Variants in BPIFC observed in about 807,000 individuals in gnomAD.
BPIFC encodes the protein BPI fold-containing family C protein.
A neutral mutation model predicts 57.6 loss-of-function variants in BPIFC; 60 were observed. That is an observed-to-expected ratio of 1.04 (90% CI 0.85 to 1.29). The LOEUF is 1.29. BPIFC is among the 50% of genes most tolerant of loss of function. BPIFC has a pLI of 0.00. For missense variants in BPIFC, 581 were observed against 600.5 expected (o/e 0.97, Z 0.34); for synonymous variants, 243 against 224.5 (o/e 1.08, Z -0.74).
rs531325756 is a variant in BPIFC at position 32,431,118 on chromosome 22, CT to C, written c.1217+228del. On this transcript the variant is annotated intron_variant, in intron 13 of 16. Coordinates refer to ENST00000300399, the MANE Select transcript of BPIFC (RefSeq NM_174932.3). The stretch of plus-strand genomic sequence containing the variant: ...CATGTTCACACAATGGTTAACGTCC[CT>C]TTTTTTTTTTTTTTGAGACAGAGTC... Among the ~76,000 whole-genome samples the C allele has an allele frequency of 8.4e-3, 1,158 of 138,664 alleles. 10 individuals carry two copies. The highest frequency in any genetic ancestry group is 0.038 in the East Asian group (185 of 4,870). The allele number at this position is 138,664 out of a possible 152,430, so 91.0% of individuals were successfully genotyped here.
chr22:32,426,069 C>T (rs1437423412), intron 13 of BPIFC, among the ~76,000 whole-genome samples: 2 of 152,204 alleles, frequency 1.3e-5, no homozygotes, highest in African/African-American at 4.8e-5. Context: ...AGACCACCAA[C>T]ACGGGGTTTG....
At chr22:32,426,797 C>T (rs1934079871) in intron 13 of BPIFC, among the ~76,000 whole-genome samples, 1 of 151,378 alleles carries the variant, frequency 6.6e-6, no homozygotes, top group South Asian at 2.1e-4. Flanking sequence ...GAGGCTGAGG[C>T]AGGAGGATCA....
intron 1 of BPIFC, among the ~76,000 whole-genome samples, chr22:32,462,155 C>T (rs1339197031): frequency 1.9e-5 from 2 of 105,818 alleles, no homozygotes; most frequent in Middle Eastern, 0.011. Context: ...GGCGACAGAG[C>T]GAGACTCCAT....
Position 32,453,375 on chromosome 22 carries a change from T to C in BPIFC, c.245+8A>G, listed in dbSNP as rs776063539. Reference sequence around the variant, plus strand: ...TATAAGAGGCAAAATGCTCTTCTTTTTACTTACTTTGAAAAATTGTAGTTT... The same window carrying C: ...TATAAGAGGCAAAATGCTCTTCTTTCTACTTACTTTGAAAAATTGTAGTTT... On this transcript the variant is annotated splice_region_variant and intron_variant, in intron 4 of 16. Transcript: ENST00000300399. 36 of 1,573,166 alleles carry C rather than the reference T, an allele frequency of 2.3e-5. 2 individuals carry two copies. In the South Asian group the frequency reaches 4.0e-4, roughly 17 times the overall value.
At chr22:32,436,788 G>A (rs898270363) in intron 9 of BPIFC, among the ~76,000 whole-genome samples, 2 of 152,174 alleles carry the variant, frequency 1.3e-5, no homozygotes, top group African/African-American at 4.8e-5. Flanking sequence ...ATAGAAAGAA[G>A]ACCCAAGACT....
intron 7 of BPIFC, among the ~76,000 whole-genome samples, chr22:32,443,267 C>A (rs565609032): frequency 6.6e-6 from 1 of 151,852 alleles, no homozygotes; most frequent in Non-Finnish European, 1.5e-5. Context: ...TGGTTCATGC[C>A]ATTCTCCTGC....
chr22:32,417,163 G>A lies in BPIFC; in HGVS notation c.1261-15C>T. On this transcript the variant is annotated splice_polypyrimidine_tract_variant and intron_variant, in intron 14 of 16. Transcript: ENST00000300399. ...AACCTCAAGACCTAAAATAAAAGAG[G>A]AAATAGAATCAATTGGCAGATCGGG... 3 of 1,540,462 alleles carry A rather than the reference G, an allele frequency of 1.9e-6. No homozygotes were observed. The highest frequency in any genetic ancestry group is 1.4e-5 in the African/African-American group (1 of 72,892).
chr22:32,442,609 G>T, intron 8 of BPIFC, 62 bp downstream of exon 8: 1 of 1,526,822 alleles, frequency 6.5e-7, no homozygotes, highest in Non-Finnish European at 9.1e-7. Context: ...AGCAAACCCA[G>T]GCAGTACCAG....
At chr22:32,441,764 T>C (rs536535857) in intron 8 of BPIFC, among the ~76,000 whole-genome samples, 1 of 152,190 alleles carries the variant, frequency 6.6e-6, no homozygotes, top group Non-Finnish European at 1.5e-5. Context: ...TATGTATCTG[T>C]TAAAGCAGCG....
At chr22:32,458,129 A>G (rs1935083935) in intron 2 of BPIFC, among the ~76,000 whole-genome samples, 1 of 152,130 alleles carries the variant, frequency 6.6e-6, no homozygotes, top group Non-Finnish European at 1.5e-5. Flanking sequence ...AAGTCATTTT[A>G]TCAGCTACAA....
intron 14 of BPIFC, among the ~76,000 whole-genome samples, chr22:32,417,891 A>G (rs938400572): frequency 4.5e-4 from 68 of 150,814 alleles, no homozygotes; most frequent in African/African-American, 1.7e-3. Flanking sequence ...TTTTTTTGAG[A>G]TGGAGGCTCA....
rs149423295 is a variant in BPIFC at position 32,421,621 on chromosome 22, A to G, written c.1218-2217T>C. ...AATTCTTGTATTCCTAGGATTGAGT[A>G]CAGAGGTACTTAATGTTCACTTATT... On this transcript the variant is annotated intron_variant, in intron 13 of 16. Coordinates refer to ENST00000300399, the MANE Select transcript of BPIFC (RefSeq NM_174932.3). Among the ~76,000 whole-genome samples, 713 of 152,314 alleles carry G rather than the reference A, an allele frequency of 4.7e-3. 2 individuals are homozygous for G. Among genetic ancestry groups the G allele is most frequent in the Non-Finnish European group, 7.7e-3 (523 of 68,030 alleles).
At chr22:32,445,736 G>GTTTAAAA in intron 6 of BPIFC, 38 bp from the exon 7 acceptor site, 1 of 612,370 alleles carries the variant, frequency 1.6e-6, no homozygotes, top group Non-Finnish European at 2.2e-6. Context: ...AAAAAAAAAA[G>GTTTAAAA]AGGTTACTCA....
At chr22:32,428,936 CA>C (rs1272411368) in intron 13 of BPIFC, among the ~76,000 whole-genome samples, 2 of 151,836 alleles carry the variant, frequency 1.3e-5, no homozygotes, top group Non-Finnish European at 2.9e-5. Context: ...GTTGGAAAAA[CA>C]ATATACTTAC....
intron 13 of BPIFC, among the ~76,000 whole-genome samples, chr22:32,427,449 C>G (rs1469695498): frequency 5.3e-5 from 8 of 152,164 alleles, no homozygotes; most frequent in Admixed American, 5.2e-4. Flanking sequence ...TCTACCTTCT[C>G]TAGGAACCTT....
chr22:32,429,735 T>G (rs2145926116), intron 13 of BPIFC, among the ~76,000 whole-genome samples: 1 of 152,068 alleles, frequency 6.6e-6, no homozygotes, highest in African/African-American at 2.4e-5. Flanking sequence ...CAGGCTGGTC[T>G]CGAACTCCTG....
At chr22:32,434,082 T>TTA (rs10628834) in intron 10 of BPIFC, among the ~76,000 whole-genome samples, 99,982 of 147,104 alleles carry the variant, frequency 0.68, 34,455 homozygotes, top group South Asian at 0.77. Flanking sequence ...AAAGTTTTAG[T>TTA]TATATATATA....
chr22:32,444,358 A>G lies in BPIFC; in HGVS notation c.594+1277T>C, dbSNP rs141008117. Among the ~76,000 whole-genome samples, 48 of 152,252 alleles carry G rather than the reference A, an allele frequency of 3.2e-4. No homozygotes were observed. In the East Asian group the frequency reaches 8.7e-3, roughly 28 times the overall value. On this transcript the variant is annotated intron_variant, in intron 7 of 16. Transcript: ENST00000300399. ...GCCACCTCCTGGGATGAGCTGCTTGATGCTTCTGAGTGTTGATTTCCTTAC... is the reference window on the plus strand; with the variant it reads ...GCCACCTCCTGGGATGAGCTGCTTGGTGCTTCTGAGTGTTGATTTCCTTAC...
At chr22:32,419,072 GC>G (rs768892131) in intron 14 of BPIFC, among the ~76,000 whole-genome samples, 1 of 152,020 alleles carries the variant, frequency 6.6e-6, no homozygotes, top group African/African-American at 2.4e-5. Flanking sequence ...GAGAAAACAG[GC>G]ATTCCCTGAG....
Sources: allele counts gnomAD v4.1 joint callset (sites outside exome capture counted in the v4.1 genomes callset), GRCh38; gene constraint gnomAD v4.1.1; transcripts MANE v1.5; gene names NCBI Gene and HGNC (gene_info 2026-07-23, HGNC 2026-07-21).